Variants in SEMA6B observed in about 807,000 individuals in gnomAD.
SEMA6B encodes semaphorin 6B.
SEMA6B carries 47 observed loss-of-function variants against 78.6 expected under a neutral mutation model. The ratio of observed to expected loss-of-function variants is 0.60; its 90% CI spans 0.47 to 0.76. The LOEUF (loss-of-function observed/expected upper bound fraction) is 0.76. Ranked by LOEUF, SEMA6B falls within the 30% of genes least tolerant of loss-of-function variation. The pLI, the probability that SEMA6B is intolerant of heterozygous loss-of-function variation, is 0.00. For synonymous variants in SEMA6B, 632 were observed against 592.2 expected, an observed-to-expected ratio of 1.07 and a Z score of -0.98; for missense variants, 1,213 against 1,269.9, an observed-to-expected ratio of 0.96 and a Z score of 0.68.
rs764533285 is a variant in SEMA6B, at chr19:4,550,875, C to T, written c.1045G>A (p.Glu349Lys). The change falls in exon 11 of 17, where the codon GAA (glutamate) becomes AAA (lysine). Residue 349 changes from glutamate (E) to lysine (K), a missense_variant. Transcript: ENST00000586582. The surrounding 1 kb of genome is among the most constrained non-coding windows in gnomAD (Gnocchi z 6.6). The part of the protein sequence containing the change: ...FDLTQVAAVF[E>K]GRFREQKSPE... Reference sequence around the variant, plus strand: ...GACTTCTGCTCTCGGAAGCGGCCTTCAAACACAGCTGCCACCTGTGTCAGG... The same window carrying T: ...GACTTCTGCTCTCGGAAGCGGCCTTTAAACACAGCTGCCACCTGTGTCAGG... 4.8e-5 allele frequency: 77 copies of T among 1,613,636 alleles called. No homozygotes were observed. Among genetic ancestry groups the T allele is most frequent in the Non-Finnish European group, 6.3e-5 (74 of 1,180,018 alleles).
Position 4,544,568 on chromosome 19 carries a change from G to T in SEMA6B, c.1739-39C>A, listed in dbSNP as rs769282597. ...ACAGGGGGGTTAGTGGGGCCGGCGG[G>T]GTGGCCCTGGGCATCCCTCCTACCT... On this transcript the variant is annotated intron_variant, in intron 16 of 16. Transcript: ENST00000586582. The surrounding 1 kb of genome is among the most constrained non-coding windows in gnomAD (Gnocchi z 5.1). 4.4e-6 allele frequency: 6 copies of T among 1,356,424 alleles called. No homozygotes were observed. Among genetic ancestry groups the T allele is most frequent in the East Asian group, 3.0e-5 (1 of 33,336 alleles). The allele number at this position is 1,356,424 out of a possible 1,614,324, so 84.0% of individuals were successfully genotyped here. A position where few individuals can be genotyped will look rare whatever the true frequency, so the allele number is the denominator to read the frequency against.
At chr19:4,557,929 C>A (rs780932510) in intron 3 of SEMA6B, 97 bp downstream of exon 3, 209 of 1,095,484 alleles carry the variant, frequency 1.9e-4, no homozygotes, top group Middle Eastern at 8.8e-4. Context: ...AGGCCCTGCA[C>A]GACCTGCTCC....
rs1301488538 is a variant in SEMA6B at position 4,544,389 on chromosome 19, G to A, written c.1879C>T (p.Arg627Trp). The change falls in exon 17 of 17, where the codon CGG (arginine) becomes TGG (tryptophan). Residue 627 changes from arginine (R) to tryptophan (W), a missense_variant. Transcript: ENST00000586582. This position sits in a 1 kb window ranked among gnomAD's most constrained non-coding sequence, Gnocchi z 5.1. ...SVGWFVGLRE[R>W]RELARRKDKE... Reference sequence around the variant, plus strand: ...TCCTTGCGCCGGGCCAGCTCCCGCCGCTCACGGAGGCCCACGAACCAGCCC... The same window carrying A: ...TCCTTGCGCCGGGCCAGCTCCCGCCACTCACGGAGGCCCACGAACCAGCCC... 13 of 1,597,198 alleles carry A rather than the reference G, an allele frequency of 8.1e-6. No homozygotes were observed. The highest frequency in any genetic ancestry group is 1.1e-5 in the South Asian group (1 of 89,178).
In SEMA6B at chr19:4,552,310, A is replaced by G. The variant is rs1977353145; in HGVS notation, c.989+112T>C. ...TGGGGCCGAGGCCTCTCAGAGGTCT[A>G]ATCCAGTGGTGCCCAACCTAGCACC... On this transcript the variant is annotated intron_variant, in intron 10 of 16. Transcript: ENST00000586582. The surrounding 1 kb of genome is among the most constrained non-coding windows in gnomAD (Gnocchi z 7.4). The G allele has an allele frequency of 9.3e-7, 1 of 1,072,130 alleles. No individual in the cohort carries two copies. Among genetic ancestry groups the G allele is most frequent in the Non-Finnish European group, 1.3e-6 (1 of 745,642 alleles). 66.4% of individuals were successfully genotyped at this position (1,072,130 alleles called of 1,614,324 possible).
chr19:4,555,552 G>T lies in SEMA6B; in HGVS notation c.484C>A (p.Gln162Lys). ...VCANYSIDTLQPVGDNISGMA... is the reference protein window; with the variant it reads ...VCANYSIDTLKPVGDNISGMA... ...CCGCTGATGTTGTCTCCGACGGGCT[G>T]CAGGGTGTCTATCTGCAGGGACCAT... The change falls in exon 7 of 17, where the codon CAG becomes AAG. Residue 162 changes from glutamine to lysine, a missense_variant. Gln to Lys is a moderately conservative substitution (Grantham distance 53). Transcript: ENST00000586582. The surrounding 1 kb of genome is among the most constrained non-coding windows in gnomAD (Gnocchi z 6.1). The T allele has an allele frequency of 1.2e-6, 2 of 1,613,462 alleles. No individual in the cohort carries two copies. The highest frequency in any genetic ancestry group is 1.3e-5 in the African/African-American group (1 of 75,024).
chr19:4,548,130 T>G lies in SEMA6B; in HGVS notation c.1498A>C (p.Ser500Arg). The G allele has an allele frequency of 6.3e-7, 1 of 1,592,054 alleles. No homozygotes were observed. The highest frequency in any genetic ancestry group is 2.3e-5 in the East Asian group (1 of 44,248). ...CCCGAAGCTGCGTCCAGCTCCAAGC[T>G]CAGCAGCCGCTGCCCTGTCTCGCCA... ...GGGETGQRLL[S>R]LELDAASGGL... Residue 500 changes from serine (S) to arginine (R), a missense_variant, in exon 14 of 17, where the codon AGC (serine) becomes CGC (arginine). Ser to Arg is a moderately radical substitution (Grantham distance 110). Coordinates refer to ENST00000586582, the MANE Select transcript of SEMA6B (RefSeq NM_032108.4).
At chr19:4,553,519 A>AGTTGG (rs2145355503) in intron 9 of SEMA6B, among the ~76,000 whole-genome samples, 1 of 117,290 alleles carries the variant, frequency 8.5e-6, no homozygotes, top group Admixed American at 8.7e-5. Context: ...TGGGCAGATA[A>AGTTGG]ATGGATGGAT....
intron 9 of SEMA6B, among the ~76,000 whole-genome samples, 197 bp downstream of exon 9, chr19:4,554,191 A>T (rs1173358383): frequency 6.6e-6 from 1 of 152,120 alleles, no homozygotes; most frequent in Non-Finnish European, 1.5e-5. Flanking sequence ...GTCCCTCGTC[A>T]GGGCTGAGTG....
Position 4,552,071 on chromosome 19 carries a change from C to T in SEMA6B, c.989+351G>A, listed in dbSNP as rs891798993. On this transcript the variant is annotated intron_variant, in intron 10 of 16. Coordinates refer to ENST00000586582, the MANE Select transcript of SEMA6B (RefSeq NM_032108.4). This position sits in a 1 kb window ranked among gnomAD's most constrained non-coding sequence, Gnocchi z 7.4. ...CACGATTACTTAAGTATACTGAACT[C>T]ACTGAAGCCTCAGGACCTTTGCACA... Among the ~76,000 whole-genome samples, 1 of 152,150 alleles carries T rather than the reference C, an allele frequency of 6.6e-6. No homozygotes were observed. The highest frequency in any genetic ancestry group is 1.5e-5 in the Non-Finnish European group (1 of 68,034).
chr19:4,550,768 G>A lies in SEMA6B; in HGVS notation c.1121+31C>T, dbSNP rs2145351980. The A allele has an allele frequency of 6.2e-7, 1 of 1,611,550 alleles. No homozygotes were observed. The highest frequency in any genetic ancestry group is 8.5e-7 in the Non-Finnish European group (1 of 1,178,998). On this transcript the variant is annotated intron_variant, in intron 11 of 16. Coordinates refer to ENST00000586582, the MANE Select transcript of SEMA6B (RefSeq NM_032108.4). The surrounding 1 kb of genome is among the most constrained non-coding windows in gnomAD (Gnocchi z 6.6). ...CCCTGGGGATCAGGACCTCATCCGGGCATGTGACTCAGGATGGAGGGGGTT... is the reference window on the plus strand; with the variant it reads ...CCCTGGGGATCAGGACCTCATCCGGACATGTGACTCAGGATGGAGGGGGTT...
rs2304213 is a variant in SEMA6B at position 4,558,419 on chromosome 19, C to G, written c.39G>C (p.Leu13=). 558,116 of 1,261,024 alleles carry G rather than the reference C, an allele frequency of 0.44. 124,436 individuals are homozygous for G. The highest frequency in any genetic ancestry group is 0.55 in the East Asian group (17,876 of 32,326). 78.1% of individuals were successfully genotyped at this position (1,261,024 alleles called of 1,614,324 possible). A position where few individuals can be genotyped will look rare whatever the true frequency, so the allele number is the denominator to read the frequency against. ...TPRASPPRPA[L]LLLLLLLGGA... ...CCCCCAGTAGCAGCAGCAGAAGCAG[C>G]AGGGCCGGGCGGGGAGGGGACGCTC... The change falls in exon 2 of 17, where the codon CTG becomes CTC. Residue 13 remains leucine (L), a synonymous_variant. Transcript: ENST00000586582. This position sits in a 1 kb window ranked among gnomAD's most constrained non-coding sequence, Gnocchi z 5.1.
rs753012473 is a variant in SEMA6B, at chr19:4,550,869, G to A, written c.1051C>T (p.Arg351Cys). Residue 351 changes from arginine to cysteine, a missense_variant, in exon 11 of 17, where the codon CGC (arginine) becomes TGC (cysteine). By Grantham distance (180) the Arg-to-Cys change is radical (BLOSUM62 -3). Coordinates refer to ENST00000586582, the MANE Select transcript of SEMA6B (RefSeq NM_032108.4). The surrounding 1 kb of genome is among the most constrained non-coding windows in gnomAD (Gnocchi z 6.6). ...TCGGGGGACTTCTGCTCTCGGAAGC[G>A]GCCTTCAAACACAGCTGCCACCTGT... The part of the protein sequence containing the change: ...LTQVAAVFEG[R>C]FREQKSPESI... 1.9e-5 allele frequency: 30 copies of A among 1,613,422 alleles called. No individual in the cohort carries two copies. Among genetic ancestry groups the A allele is most frequent in the South Asian group, 4.4e-5 (4 of 91,088 alleles).
intron 4 of SEMA6B, 28 bp downstream of exon 4, chr19:4,557,135 T>C: frequency 6.2e-7 from 1 of 1,603,032 alleles, no homozygotes; most frequent in Non-Finnish European, 8.5e-7. Context: ...GCCCTACCCC[T>C]CCACTCCCAC....
chr19:4,543,543 C>G lies in SEMA6B; in HGVS notation c.*58G>C. 1.0e-6 allele frequency: 1 copy of G among 961,976 alleles called. No homozygotes were observed. The highest frequency in any genetic ancestry group is 1.4e-6 in the Non-Finnish European group (1 of 740,454). The allele number at this position is 961,976 out of a possible 1,614,324, so 59.6% of individuals were successfully genotyped here. ...GCCCCGGGCCCCGGCGTTCTGGCAC[C>G]GTCTCTCGCTCCTGGTTCCCGTGGC... On this transcript the variant is annotated 3_prime_UTR_variant, in exon 17 of 17. Transcript: ENST00000586582.
intron 3 of SEMA6B, 132 bp from the exon 4 acceptor site, chr19:4,557,355 T>G (rs2145360155): frequency 4.6e-6 from 3 of 652,964 alleles, no homozygotes; most frequent in East Asian, 2.8e-5. Flanking sequence ...CGAGCAACTC[T>G]AGCGCCGACC....
rs10422855 is a variant in SEMA6B, at chr19:4,550,846, G to C, written c.1074C>G (p.Pro358=). 2 of 1,613,504 alleles carry C rather than the reference G, an allele frequency of 1.2e-6. No individual in the cohort carries two copies. Among genetic ancestry groups the C allele is most frequent in the South Asian group, 2.2e-5 (2 of 91,078 alleles). The part of the protein sequence containing the change: ...FEGRFREQKS[P]ESIWTPVPED... ...CCGGCACCGGCGTCCAGATGGACTC[G>C]GGGGACTTCTGCTCTCGGAAGCGGC... The change falls in exon 11 of 17, where the codon CCC becomes CCG. Residue 358 remains proline (P), a synonymous_variant. Transcript: ENST00000586582. The surrounding 1 kb of genome is among the most constrained non-coding windows in gnomAD (Gnocchi z 6.6).
At chr19:4,556,928 G>C in intron 5 of SEMA6B, 23 bp downstream of exon 5, 1 of 1,607,832 alleles carries the variant, frequency 6.2e-7, no homozygotes, top group South Asian at 1.1e-5. Flanking sequence ...GCAGGGGCCG[G>C]GACCGAGCCA....
chr19:4,553,059 G>A (rs1469124366), intron 9 of SEMA6B, among the ~76,000 whole-genome samples: 4 of 152,198 alleles, frequency 2.6e-5, no homozygotes, highest in East Asian at 1.9e-4. Flanking sequence ...CTGGATGGAC[G>A]GATGAGTGGA....
Position 4,555,407 on chromosome 19 carries a change from G to T in SEMA6B, c.562+67C>A. On this transcript the variant is annotated intron_variant, in intron 7 of 16. Transcript: ENST00000586582. The surrounding 1 kb of genome is among the most constrained non-coding windows in gnomAD (Gnocchi z 6.1). ...CTGCCTTCTAAACAACCCAGACGCTGGAGTAGAAAATGCCAGGTCTTGCCT... is the reference window on the plus strand; with the variant it reads ...CTGCCTTCTAAACAACCCAGACGCTTGAGTAGAAAATGCCAGGTCTTGCCT... 1 of 1,391,990 alleles carries T rather than the reference G, an allele frequency of 7.2e-7. No individual in the cohort carries two copies. The highest frequency in any genetic ancestry group is 1.0e-6 in the Non-Finnish European group (1 of 1,001,594). 86.2% of individuals were successfully genotyped at this position (1,391,990 alleles called of 1,614,324 possible).
Sources: gnomAD v4.1 joint callset for allele counts (sites outside exome capture counted in the v4.1 genomes callset) on GRCh38, gnomAD v4.1.1 for gene constraint, Gnocchi (gnomAD v3.1) non-coding constraint, MANE v1.5 for transcripts, NCBI Gene and HGNC (gene_info 2026-07-23, HGNC 2026-07-21) for gene names.